Variants in RGS9 observed in about 807,000 individuals in gnomAD.
RGS9 encodes the protein regulator of G protein signaling 9.
In RGS9, 78 loss-of-function variants were observed where a neutral mutation model predicts 102.0. The ratio of observed to expected loss-of-function variants is 0.76; its 90% CI spans 0.64 to 0.92. The LOEUF (loss-of-function observed/expected upper bound fraction) is 0.92, where lower values mean the gene tolerates loss of function less well. RGS9 is among the 40% of genes least tolerant of loss of function. The pLI is 0.00. For synonymous variants in RGS9, 353 were observed against 318.6 expected, an observed-to-expected ratio of 1.11 and a Z score of -1.15; for missense variants, 833 against 866.1, an observed-to-expected ratio of 0.96 and a Z score of 0.48.
intron 8 of RGS9, among the ~76,000 whole-genome samples, chr17:65,174,351 C>T (rs1911533452): frequency 6.6e-6 from 1 of 152,148 alleles, no homozygotes; most frequent in African/African-American, 2.4e-5. Context: ...GCATCATGAG[C>T]ACAGGCTGTG....
intron 8 of RGS9, among the ~76,000 whole-genome samples, chr17:65,172,058 C>T (rs939129477): frequency 1.3e-5 from 2 of 152,108 alleles, no homozygotes; most frequent in Admixed American, 6.5e-5. Flanking sequence ...CATTTCCCAT[C>T]GAAGTTAGGC....
chr17:65,200,420 A>T (rs1912786309), intron 13 of RGS9, among the ~76,000 whole-genome samples: 1 of 152,196 alleles, frequency 6.6e-6, no homozygotes. Context: ...TGGACATCTG[A>T]GTGCTTTCCA....
chr17:65,191,739 T>C lies in RGS9; in HGVS notation c.746+1503T>C, dbSNP rs568790154. Among the ~76,000 whole-genome samples the C allele has an allele frequency of 2.6e-5, 4 of 152,126 alleles. No individual in the cohort carries two copies. The East Asian group carries it at 7.7e-4, about 29-fold the overall frequency. On this transcript the variant is annotated intron_variant, in intron 11 of 18. Transcript: ENST00000262406. ...TCCAGCCTGGGAGACAGAGCAAGAC[T>C]TTGTCTCAAAAAGAAAAAAATAAAA...
Position 65,227,397 on chromosome 17 carries a change from A to G in RGS9, c.2015A>G (p.Glu672Gly). 1 of 1,613,662 alleles carries G rather than the reference A, an allele frequency of 6.2e-7. No homozygotes were observed. The highest frequency in any genetic ancestry group is 8.5e-7 in the Non-Finnish European group (1 of 1,179,700). Residue 672 changes from glutamate (E) to glycine (G), a missense_variant, in exon 19 of 19, where the codon GAG (glutamate) becomes GGG (glycine). Physicochemically the swap from Glu to Gly is moderately conservative, Grantham distance 98. Transcript: ENST00000262406. ...GAAAAGGAGGTCATCTGCCCCTGGG[A>G]GAGCCTGTAAGGAAAGAGGCAGGCT... The part of the protein sequence containing the change: ...ATEKEVICPW[E>G]SL
At chr17:65,201,192 GTATGAACA>G in intron 13 of RGS9, among the ~76,000 whole-genome samples, 1 of 152,118 alleles carries the variant, frequency 6.6e-6, no homozygotes, top group East Asian at 1.9e-4. Context: ...TGGGACCACT[GTATGAACA>G]TATGCGTGGT....
Position 65,227,390 on chromosome 17 carries a change from C to T in RGS9, c.2008C>T (p.Pro670Ser). Residue 670 changes from proline to serine, a missense_variant, in exon 19 of 19, where the codon CCC becomes TCC. Physicochemically the swap from Pro to Ser is moderately conservative, Grantham distance 74. Coordinates refer to ENST00000262406, the MANE Select transcript of RGS9 (RefSeq NM_003835.4). ...DRATEKEVIC[P>S]WESL ...GGCCACAGAAAAGGAGGTCATCTGC[C>T]CCTGGGAGAGCCTGTAAGGAAAGAG... 1 of 1,613,960 alleles carries T rather than the reference C, an allele frequency of 6.2e-7. No homozygotes were observed. The highest frequency in any genetic ancestry group is 8.5e-7 in the Non-Finnish European group (1 of 1,179,922).
intron 17 of RGS9, among the ~76,000 whole-genome samples, chr17:65,214,451 C>T (rs899352306): frequency 4.6e-5 from 7 of 152,144 alleles, no homozygotes; most frequent in African/African-American, 1.2e-4. Flanking sequence ...TTGATTGAGA[C>T]CACAAGCTGG....
chr17:65,215,311 T>C (rs1412177198), intron 17 of RGS9, among the ~76,000 whole-genome samples: 2 of 152,054 alleles, frequency 1.3e-5, no homozygotes, highest in Non-Finnish European at 2.9e-5. Flanking sequence ...ATTTTGATCC[T>C]CCTAAGACAA....
chr17:65,144,025 A>G (rs963875741), intron 1 of RGS9, among the ~76,000 whole-genome samples: 4 of 151,896 alleles, frequency 2.6e-5, no homozygotes, highest in Non-Finnish European at 4.4e-5. Context: ...CAGGCTTTTG[A>G]ATCGGTGGGA....
chr17:65,148,276 T>G (rs1434658309), intron 1 of RGS9, among the ~76,000 whole-genome samples: 4 of 152,236 alleles, frequency 2.6e-5, no homozygotes, highest in African/African-American at 9.6e-5. Flanking sequence ...CAAACAATGT[T>G]CTTTTGTATG....
intron 9 of RGS9, among the ~76,000 whole-genome samples, chr17:65,188,339 C>A (rs769335481): frequency 8.5e-5 from 13 of 152,342 alleles, no homozygotes; most frequent in African/African-American, 3.1e-4. Context: ...CCCAGTATGA[C>A]CCTGCTCCAA....
At chr17:65,178,469 C>CT (rs112543272) in intron 9 of RGS9, among the ~76,000 whole-genome samples, 6,233 of 149,916 alleles carry the variant, frequency 0.042, 215 homozygotes, top group African/African-American at 0.08. Context: ...CCAGATAATT[C>CT]TTTTTTTTTC....
chr17:65,151,643 G>A (rs545481442), intron 1 of RGS9, among the ~76,000 whole-genome samples: 4 of 152,250 alleles, frequency 2.6e-5, no homozygotes, highest in South Asian at 2.1e-4. Flanking sequence ...CCTTACAGTC[G>A]ACCTTCCAAG....
At chr17:65,177,441 C>A (rs903973781) in intron 8 of RGS9, among the ~76,000 whole-genome samples, 3 of 152,054 alleles carry the variant, frequency 2.0e-5, no homozygotes, top group Non-Finnish European at 2.9e-5. Context: ...GGATGCCAAC[C>A]ACCTGTCCAT....
At chr17:65,171,909 G>C (rs1911435582) in intron 8 of RGS9, among the ~76,000 whole-genome samples, 1 of 152,216 alleles carries the variant, frequency 6.6e-6, no homozygotes, top group Non-Finnish European at 1.5e-5. Context: ...CATCTTTGCT[G>C]TGCCATCTGT....
chr17:65,190,574 G>A (rs923647813), intron 11 of RGS9, among the ~76,000 whole-genome samples: 3 of 152,182 alleles, frequency 2.0e-5, no homozygotes, highest in Non-Finnish European at 4.4e-5. Flanking sequence ...GGTTCCTATC[G>A]TTACTGGTTC....
intron 2 of RGS9, among the ~76,000 whole-genome samples, chr17:65,154,446 G>T (rs1033845358): frequency 4.6e-5 from 7 of 152,140 alleles, no homozygotes; most frequent in Non-Finnish European, 8.8e-5. Flanking sequence ...CTCCCAGAAG[G>T]TCATTTTAGA....
chr17:65,168,045 G>A (rs1286335650), intron 7 of RGS9, among the ~76,000 whole-genome samples, 155 bp from the exon 8 acceptor site: 1 of 152,214 alleles, frequency 6.6e-6, no homozygotes, highest in South Asian at 2.1e-4. Context: ...GTACTTAAGT[G>A]AGATGTCAGT....
At chr17:65,164,671 C>G (rs1387766608) in intron 7 of RGS9, among the ~76,000 whole-genome samples, 1 of 152,116 alleles carries the variant, frequency 6.6e-6, no homozygotes, top group Admixed American at 6.5e-5. Context: ...TTATTGCCCT[C>G]CAGGGGGGAA....
Sources: allele counts gnomAD v4.1 joint callset (sites outside exome capture counted in the v4.1 genomes callset), GRCh38; gene constraint gnomAD v4.1.1; transcripts MANE v1.5; gene names NCBI Gene and HGNC (gene_info 2026-07-23, HGNC 2026-07-21).